SHPRH: variants seen among roughly 807,000 people sequenced by gnomAD.
The protein encoded by SHPRH is SNF2 histone linker PHD RING helicase, also known as E3 ubiquitin-protein ligase SHPRH.
In SHPRH, 106 loss-of-function variants were observed where a neutral mutation model predicts 202.5. The observed-to-expected ratio is 0.52, with a 90% CI of 0.45 to 0.62. The LOEUF is 0.62. Ranked by LOEUF, SHPRH falls within the 20% of genes least tolerant of loss-of-function variation. The probability of loss-of-function intolerance (pLI) is 0.00; values close to 1 mark genes in which losing one functional copy is unlikely to be tolerated. For synonymous variants in SHPRH, 729 were observed against 686.0 expected, an observed-to-expected ratio of 1.06 and a Z score of -0.98; for missense variants, 1,710 against 2,020.0, an observed-to-expected ratio of 0.85 and a Z score of 2.94.
At chr6:145,948,433 G>T in intron 4 of SHPRH, 83 bp from the exon 5 acceptor site, 1 of 1,044,652 alleles carries the variant, frequency 9.6e-7, no homozygotes, top group Non-Finnish European at 1.4e-6. Context: ...TAGGTTAACA[G>T]TGAGGATACT....
At chr6:145,954,559 T>TTAAAGTGTAC in intron 2 of SHPRH, 131 bp downstream of exon 2, 4 of 951,804 alleles carry the variant, frequency 4.2e-6, no homozygotes, top group Non-Finnish European at 6.2e-6. Context: ...TATTAAAAGC[T>TTAAAGTGTAC]TAAAGTGTAC....
intron 9 of SHPRH, among the ~76,000 whole-genome samples, chr6:145,942,500 A>C (rs1786899935): frequency 6.6e-6 from 1 of 152,196 alleles, no homozygotes; most frequent in African/African-American, 2.4e-5. Context: ...AGTATTCTCC[A>C]TGCCTATGTA....
At position 145,941,650 on chromosome 6, in the gene SHPRH, A is replaced by G. The variant is rs781555278; in HGVS notation, c.2463T>C (p.Ala821=). 14 of 1,613,848 alleles carry G rather than the reference A, an allele frequency of 8.7e-6. No homozygotes were observed. The East Asian group carries it at 2.7e-4, about 31-fold the overall frequency. Residue 821 remains alanine, a synonymous_variant, in exon 10 of 30, where the codon GCT becomes GCC. Coordinates refer to ENST00000275233, the MANE Select transcript of SHPRH (RefSeq NM_001042683.3). ...TTACTGTGGGACACTCAACCATCTGAGCTTCATCAAGGCAGATCCTCCACC... is the reference window on the plus strand; with the variant it reads ...TTACTGTGGGACACTCAACCATCTGGGCTTCATCAAGGCAGATCCTCCACC... ...VEWWRICLDE[A]QMVECPTVKA...
intron 4 of SHPRH, among the ~76,000 whole-genome samples, chr6:145,949,299 T>C (rs1017197734): frequency 6.6e-6 from 1 of 152,034 alleles, no homozygotes; most frequent in Non-Finnish European, 1.5e-5. Context: ...TGCAAAGATA[T>C]GAAATCAACT....
intron 1 of SHPRH, among the ~76,000 whole-genome samples, chr6:145,961,491 A>G (rs1789085887): frequency 6.6e-6 from 1 of 152,232 alleles, no homozygotes; most frequent in African/African-American, 2.4e-5. Context: ...TAGCCAATGG[A>G]ATGTGAGAAG....
At chr6:145,900,016 A>G (rs1452846426) in intron 25 of SHPRH, among the ~76,000 whole-genome samples, 5 of 152,144 alleles carry the variant, frequency 3.3e-5, no homozygotes, top group Non-Finnish European at 5.9e-5. Context: ...TATTGGTGAG[A>G]AGGTGGAGAA....
Position 145,948,343 on chromosome 6 carries a change from G to A in SHPRH, c.990C>T (p.Ala330=). The change falls in exon 5 of 30, where the codon GCC becomes GCT. Residue 330 remains alanine (A), a synonymous_variant. Coordinates refer to ENST00000275233, the MANE Select transcript of SHPRH (RefSeq NM_001042683.3). ...CFRSSPATES[A]LHFLWREIVT... ...CAATCTCTCGCCATAAGAAGTGCAGGGCACTTTCTAAAGAAAAATATAATC... is the reference window on the plus strand; with the variant it reads ...CAATCTCTCGCCATAAGAAGTGCAGAGCACTTTCTAAAGAAAAATATAATC... 6.3e-7 allele frequency: 1 copy of A among 1,598,142 alleles called. No individual in the cohort carries two copies. Among genetic ancestry groups the A allele is most frequent in the Non-Finnish European group, 8.5e-7 (1 of 1,171,956 alleles).
chr6:145,931,020 T>C (rs951009599), intron 14 of SHPRH, among the ~76,000 whole-genome samples: 2 of 152,196 alleles, frequency 1.3e-5, no homozygotes, highest in East Asian at 3.9e-4. Context: ...GCAGGCAGTA[T>C]TAATAAGAAA....
rs906132955 is a variant in SHPRH at position 145,910,744 on chromosome 6, A to G, written c.4327-108T>C. Reference sequence around the variant, plus strand: ...TTCCTCCTAAAGATTTCATAACATTAATATTCTTTGTCATAAAGCCAAGTT... The same window carrying G: ...TTCCTCCTAAAGATTTCATAACATTGATATTCTTTGTCATAAAGCCAAGTT... On this transcript the variant is annotated intron_variant, in intron 24 of 29. Coordinates refer to ENST00000275233, the MANE Select transcript of SHPRH (RefSeq NM_001042683.3). 3.6e-6 allele frequency: 4 copies of G among 1,110,340 alleles called. No individual in the cohort carries two copies. The Admixed American group carries it at 1.2e-4, about 33-fold the overall frequency. The allele number at this position is 1,110,340 out of a possible 1,614,324, so 68.8% of individuals were successfully genotyped here.
chr6:145,872,021 C>T (rs1780079309), intron 2 of SHPRH, among the ~76,000 whole-genome samples: 1 of 152,150 alleles, frequency 6.6e-6, no homozygotes, highest in Admixed American at 6.5e-5. Context: ...TGGCACCTTC[C>T]TTACGCCTTA....
At chr6:145,948,483 T>C (rs952549574) in intron 4 of SHPRH, 133 bp from the exon 5 acceptor site, 11 of 582,086 alleles carry the variant, frequency 1.9e-5, no homozygotes, top group Non-Finnish European at 3.1e-5. Context: ...AATCTCATTC[T>C]GGAAAAGCCA....
At chr6:145,869,779 T>G (rs1004622687) in intron 2 of SHPRH, among the ~76,000 whole-genome samples, 1 of 151,892 alleles carries the variant, frequency 6.6e-6, no homozygotes, top group Non-Finnish European at 1.5e-5. Flanking sequence ...ACTTTGTTCT[T>G]CTCCTTCAAT....
At chr6:145,910,676 T>C (rs370652058) in intron 24 of SHPRH, 40 bp from the exon 25 acceptor site, 88 of 1,475,732 alleles carry the variant, frequency 6.0e-5, no homozygotes, top group Non-Finnish European at 7.5e-5. Flanking sequence ...CTATCAAAGA[T>C]GCCTTACAAT....
At chr6:145,913,843 G>T (rs1783708772) in intron 23 of SHPRH, among the ~76,000 whole-genome samples, 1 of 152,062 alleles carries the variant, frequency 6.6e-6, no homozygotes, top group Non-Finnish European at 1.5e-5. Flanking sequence ...CAAACTTTTT[G>T]AGTGCTGACA....
Position 145,913,469 on chromosome 6 carries a change from T to C in SHPRH, c.4326+9A>G. 6.2e-7 allele frequency: 1 copy of C among 1,603,770 alleles called. No individual in the cohort carries two copies. On this transcript the variant is annotated intron_variant, in intron 24 of 29. Transcript: ENST00000275233. The stretch of plus-strand genomic sequence containing the variant: ...TTATAAATGCATGTGATGTTTATCA[T>C]AATTTTACCTGTTTTCCTAGCTGTC...
At chr6:145,924,693 A>G (rs2128752342) in intron 17 of SHPRH, 46 bp downstream of exon 17, 9 of 1,554,328 alleles carry the variant, frequency 5.8e-6, no homozygotes, top group East Asian at 2.3e-5. Flanking sequence ...ACTCAAAATG[A>G]TATCTGGAGG....
chr6:145,955,723 C>T (rs942678648), intron 1 of SHPRH, among the ~76,000 whole-genome samples: 13 of 151,560 alleles, frequency 8.6e-5, no homozygotes, highest in East Asian at 1.9e-4. Context: ...CTTAAAAGAG[C>T]GAAACAAAAT....
At chr6:145,956,898 G>A (rs2128808053) in intron 1 of SHPRH, among the ~76,000 whole-genome samples, 1 of 152,174 alleles carries the variant, frequency 6.6e-6, no homozygotes, top group East Asian at 1.9e-4. Context: ...CTGACAACCT[G>A]ATGTTAAAAT....
intron 2 of SHPRH, among the ~76,000 whole-genome samples, chr6:145,874,693 G>C (rs1780221741): frequency 6.6e-6 from 1 of 152,064 alleles, no homozygotes; most frequent in South Asian, 2.1e-4. Flanking sequence ...TTTTTCATCT[G>C]TAAATTTTCA....
Sources: allele counts gnomAD v4.1 joint callset (sites outside exome capture counted in the v4.1 genomes callset), GRCh38; gene constraint gnomAD v4.1.1; transcripts MANE v1.5; gene names NCBI Gene and HGNC (gene_info 2026-07-23, HGNC 2026-07-21).